SPNS2: variants seen among roughly 807,000 people sequenced by gnomAD.
SPNS2 encodes SPNS lysolipid transporter 2, sphingosine-1-phosphate, also known as sphingosine-1-phosphate transporter SPNS2.
Under a neutral mutation model 57.6 loss-of-function variants are expected in SPNS2, and 37 were observed. The observed-to-expected ratio is 0.64, with a 90% confidence interval of 0.49 to 0.85. The LOEUF (loss-of-function observed/expected upper bound fraction) is 0.85, where lower values mean the gene tolerates loss of function less well. Ranked by LOEUF, SPNS2 falls within the 40% of genes least tolerant of loss-of-function variation. The probability of loss-of-function intolerance (pLI) is 0.00; values close to 1 mark genes in which losing one functional copy is unlikely to be tolerated. For synonymous variants in SPNS2, 440 were observed against 346.9 expected (o/e 1.27, Z -2.98); for missense variants, 831 against 779.1 (o/e 1.07, Z -0.79).
Position 4,533,370 on chromosome 17 carries a change from G to A in SPNS2, c.1216G>A (p.Gly406Ser), listed in dbSNP as rs1475620499. 4 of 1,610,914 alleles carry A rather than the reference G, an allele frequency of 2.5e-6. No individual in the cohort carries two copies. The highest frequency in any genetic ancestry group is 3.4e-6 in the Non-Finnish European group (4 of 1,179,248). Reference sequence around the variant, plus strand: ...ACTGGTGTGTGCCGTGGGCATGCTGGGCTCTGCCATCTTCATCTGCCTGAT... The same window carrying A: ...ACTGGTGTGTGCCGTGGGCATGCTGAGCTCTGCCATCTTCATCTGCCTGAT... ...DPLVCAVGML[G>S]SAIFICLIFV... Residue 406 changes from glycine to serine, a missense_variant, in exon 8 of 13, where the codon GGC becomes AGC. By Grantham distance (56) the Gly-to-Ser change is moderately conservative (BLOSUM62 0). Around this residue, in one of 2 missense-constraint regions of SPNS2, gnomAD observed 526 missense variants for 400.9 expected, o/e 1.31. Coordinates refer to ENST00000329078, the MANE Select transcript of SPNS2 (RefSeq NM_001124758.3).
chr17:4,521,483 T>C (rs529335745), intron 2 of SPNS2, among the ~76,000 whole-genome samples: 4 of 152,340 alleles, frequency 2.6e-5, no homozygotes, highest in African/African-American at 9.6e-5. Context: ...ATTAAGCACC[T>C]TGCACGTGCT....
At chr17:4,535,610 A>G (rs2144379845) in intron 9 of SPNS2, among the ~76,000 whole-genome samples, 1 of 152,162 alleles carries the variant, frequency 6.6e-6, no homozygotes, top group African/African-American at 2.4e-5. Context: ...CGAGGCTCGG[A>G]GGGCTCTGGG....
chr17:4,531,578 A>G (rs1196832193), intron 5 of SPNS2, among the ~76,000 whole-genome samples: 1 of 151,920 alleles, frequency 6.6e-6, no homozygotes, highest in African/African-American at 2.4e-5. Context: ...GGACAGCGCA[A>G]TCGGAGGAAA....
chr17:4,537,369 A>C, intron 12 of SPNS2, 84 bp from the exon 13 acceptor site: 1 of 391,762 alleles, frequency 2.6e-6, no homozygotes, highest in Non-Finnish European at 5.1e-6. Context: ...GCGTCTCCAA[A>C]CAGCAAGAAA....
At chr17:4,528,537 A>C (rs765598096) in intron 3 of SPNS2, among the ~76,000 whole-genome samples, 4 of 151,810 alleles carry the variant, frequency 2.6e-5, no homozygotes, top group Non-Finnish European at 5.9e-5. Flanking sequence ...ATCTCGGCTC[A>C]CTGCAACCTC....
rs368121375 is a variant in SPNS2, at chr17:4,536,323, G to A, written c.1504G>A (p.Gly502Ser). 11 of 1,612,160 alleles carry A rather than the reference G, an allele frequency of 6.8e-6. No homozygotes were observed. The highest frequency in any genetic ancestry group is 9.3e-6 in the Non-Finnish European group (11 of 1,179,954). Residue 502 changes from glycine to serine, a missense_variant, in exon 11 of 13, where the codon GGC (glycine) becomes AGC (serine). Coordinates refer to ENST00000329078, the MANE Select transcript of SPNS2 (RefSeq NM_001124758.3). ...CCCGCTCTGGGAGTTCCTGAGCCTG[G>A]GCTACGCGCTCATGCTCTGCCCTTT... ...DSPLWEFLSLGYALMLCPFVV... is the reference protein window; with the variant it reads ...DSPLWEFLSLSYALMLCPFVV...
At chr17:4,522,584 T>C (rs566152371) in intron 2 of SPNS2, among the ~76,000 whole-genome samples, 2 of 152,316 alleles carry the variant, frequency 1.3e-5, no homozygotes, top group South Asian at 4.1e-4. Context: ...CCTCCCTCCC[T>C]CTTTCTCTTC....
chr17:4,502,959 C>T (rs1281535366), intron 1 of SPNS2, among the ~76,000 whole-genome samples: 1 of 152,218 alleles, frequency 6.6e-6, no homozygotes, highest in Non-Finnish European at 1.5e-5. Context: ...TCCTCCGCCC[C>T]ATGAGAACCC....
chr17:4,526,311 T>C (rs1285207032), intron 3 of SPNS2, among the ~76,000 whole-genome samples: 2 of 152,084 alleles, frequency 1.3e-5, no homozygotes, highest in Non-Finnish European at 2.9e-5. Context: ...TGTTGAAAGA[T>C]TGAGGATTGG....
intron 1 of SPNS2, among the ~76,000 whole-genome samples, chr17:4,508,561 G>T (rs375253407): frequency 1.9e-3 from 295 of 152,268 alleles, no homozygotes; most frequent in African/African-American, 6.7e-3. Context: ...GGAGTCAGGG[G>T]CTGTATGTGT....
At position 4,532,969 on chromosome 17, in the gene SPNS2, C is replaced by T. The variant is rs750891669; in HGVS notation, c.936-8C>T. 1.2e-6 allele frequency: 2 copies of T among 1,608,212 alleles called. No homozygotes were observed. Among genetic ancestry groups the T allele is most frequent in the Admixed American group, 1.7e-5 (1 of 59,698 alleles). Reference sequence around the variant, plus strand: ...TGAGCTCAGTGTCACTGCCTGGCCTCTCCCCAGCCGCAGCTACGTCTTCTC... The same window carrying T: ...TGAGCTCAGTGTCACTGCCTGGCCTTTCCCCAGCCGCAGCTACGTCTTCTC... On this transcript the variant is annotated splice_polypyrimidine_tract_variant and splice_region_variant and intron_variant, in intron 6 of 12. Coordinates refer to ENST00000329078, the MANE Select transcript of SPNS2 (RefSeq NM_001124758.3).
intron 3 of SPNS2, among the ~76,000 whole-genome samples, chr17:4,526,644 A>G: frequency 6.6e-6 from 1 of 151,876 alleles, no homozygotes; most frequent in African/African-American, 2.4e-5. Flanking sequence ...TGAGGATTGC[A>G]TTTTCACTGG....
rs1905594232 is a variant in SPNS2 at position 4,533,404 on chromosome 17, C to T, written c.1250C>T (p.Ala417Val). The change falls in exon 8 of 13, where the codon GCT becomes GTT. Residue 417 changes from alanine to valine, a missense_variant. By Grantham distance (64) the Ala-to-Val change is moderately conservative. Transcript: ENST00000329078. ...ATCTTCATCTGCCTGATCTTCGTGG[C>T]TGCCAAGAGCAGCATCGTAGGAGCC... Reference protein sequence around the residue: ...SAIFICLIFVAAKSSIVGAYI... With the variant: ...SAIFICLIFVVAKSSIVGAYI... The T allele has an allele frequency of 1.2e-6, 2 of 1,607,924 alleles. No individual in the cohort carries two copies. The highest frequency in any genetic ancestry group is 1.3e-5 in the African/African-American group (1 of 74,820).
At chr17:4,527,909 C>T (rs573659673) in intron 3 of SPNS2, among the ~76,000 whole-genome samples, 5 of 148,674 alleles carry the variant, frequency 3.4e-5, no homozygotes, top group Admixed American at 2.0e-4. Flanking sequence ...AGAGAAACTC[C>T]AGCTTGTAGA....
chr17:4,519,828 C>T (rs969681169), intron 2 of SPNS2, among the ~76,000 whole-genome samples: 5 of 152,226 alleles, frequency 3.3e-5, no homozygotes, highest in South Asian at 2.1e-4. Flanking sequence ...CCATCGGACA[C>T]AGTCCACATG....
At chr17:4,531,678 T>C (rs1405182017) in intron 5 of SPNS2, among the ~76,000 whole-genome samples, 1 of 151,844 alleles carries the variant, frequency 6.6e-6, no homozygotes, top group Non-Finnish European at 1.5e-5. Context: ...GTGGAATTTC[T>C]TAGTGGGGTG....
intron 9 of SPNS2, 146 bp downstream of exon 9, chr17:4,533,999 G>C (rs1716311284): frequency 1.3e-6 from 1 of 797,230 alleles, no homozygotes; most frequent in Non-Finnish European, 2.1e-6. Context: ...GCAGGGAGGG[G>C]ATCAGAGAGT....
chr17:4,529,687 A>G (rs963653030), intron 3 of SPNS2, among the ~76,000 whole-genome samples: 2 of 151,960 alleles, frequency 1.3e-5, no homozygotes, highest in African/African-American at 4.8e-5. Context: ...GAAGAAAAAA[A>G]AAGAAATCAA....
Position 4,536,160 on chromosome 17 carries a change from T to C in SPNS2, c.1429T>C (p.Tyr477His). The C allele has an allele frequency of 6.2e-7, 1 of 1,612,212 alleles. No homozygotes were observed. The highest frequency in any genetic ancestry group is 8.5e-7 in the Non-Finnish European group (1 of 1,179,750). The change falls in exon 10 of 13, where the codon TAC (tyrosine) becomes CAC (histidine). Residue 477 changes from tyrosine to histidine, a missense_variant. Physicochemically the swap from Tyr to His is moderately conservative, Grantham distance 83. This residue lies in a region of SPNS2 where 526 missense variants were observed against 400.9 expected (regional missense o/e 1.31). Coordinates refer to ENST00000329078, the MANE Select transcript of SPNS2 (RefSeq NM_001124758.3). Reference protein sequence around the residue: ...SHLLGDAGSPYLIGFISDLIR... With the variant: ...SHLLGDAGSPHLIGFISDLIR... ...CCTGCTGGGGGACGCCGGGAGCCCC[T>C]ACCTCATTGGCTTTGTGAGTAGCCC...
Sources: allele counts gnomAD v4.1 joint callset (sites outside exome capture counted in the v4.1 genomes callset), GRCh38; gene constraint gnomAD v4.1.1; regional missense constraint gnomAD v4.1.1; transcripts MANE v1.5; gene names NCBI Gene and HGNC (gene_info 2026-07-23, HGNC 2026-07-21).